The following FRMPD4 variants were observed in gnomAD, a reference collection of about 807,000 sequenced individuals.
FRMPD4 encodes the protein FERM and PDZ domain-containing protein 4.
In FRMPD4, 22 loss-of-function variants were observed where a neutral mutation model predicts 94.1. The ratio of observed to expected loss-of-function variants is 0.23; its 90% CI spans 0.17 to 0.33. The LOEUF is 0.33. Ranked by LOEUF, FRMPD4 falls within the 10% of genes least tolerant of loss-of-function variation. The pLI, the probability that FRMPD4 is intolerant of heterozygous loss-of-function variation, is 1.00. For missense variants in FRMPD4, 1,111 were observed against 1,339.9 expected (o/e 0.83, Z 2.67); for synonymous variants, 631 against 548.6 (o/e 1.15, Z -2.10).
chrX:12,516,918 T>C (rs1178808330), intron 2 of FRMPD4, among the ~76,000 whole-genome samples: 7 of 71,337 alleles, frequency 9.8e-5, no homozygotes, highest in East Asian at 9.0e-4. Flanking sequence ...TTTTTTTTTT[T>C]CCTAATCTTG....
chrX:11,873,552 C>T (rs2053766230), intron 2 of FRMPD4, among the ~76,000 whole-genome samples: 1 of 110,500 alleles, frequency 9.0e-6, no homozygotes, highest in Non-Finnish European at 1.9e-5. Flanking sequence ...CATCTGTACA[C>T]TGAAAACTAT....
chrX:11,904,247 T>A (rs1261579236), intron 3 of FRMPD4, among the ~76,000 whole-genome samples: 1 of 112,168 alleles, frequency 8.9e-6, no homozygotes, highest in Non-Finnish European at 1.9e-5. Context: ...CTCTTTTTAT[T>A]TCTTACGATG....
intron 3 of FRMPD4, among the ~76,000 whole-genome samples, chrX:12,073,646 G>A (rs2054988386): frequency 8.9e-6 from 1 of 112,122 alleles, no homozygotes; most frequent in South Asian, 3.7e-4. Context: ...ACTAGATAGA[G>A]CCAGATTACT....
At position 11,991,653 on chromosome X, in the gene FRMPD4, A is replaced by T. The variant is rs138114513; in HGVS notation, c.95+113635A>T. On this transcript the variant is annotated intron_variant, in intron 3 of 18. Transcript: ENST00000640291. ...GCCTCACCCTTCTCACACCCTTTTGAACCAGAAATATTTCTTCTTTGCTTT... is the reference window on the plus strand; with the variant it reads ...GCCTCACCCTTCTCACACCCTTTTGTACCAGAAATATTTCTTCTTTGCTTT... Among the ~76,000 whole-genome samples, 853 of 112,055 alleles carry T rather than the reference A, an allele frequency of 7.6e-3. 6 individuals are homozygous for T. The highest frequency in any genetic ancestry group is 0.027 in the African/African-American group (825 of 30,908).
chrX:12,458,368 G>A (rs1455355859), intron 1 of FRMPD4, among the ~76,000 whole-genome samples: 3 of 111,749 alleles, frequency 2.7e-5, no homozygotes, highest in South Asian at 3.8e-4. Context: ...AGGAGGTTTT[G>A]AGGACCCCCA....
chrX:12,231,012 A>ATGTATG (rs1357310733), intron 1 of FRMPD4, among the ~76,000 whole-genome samples: 2 of 55,719 alleles, frequency 3.6e-5, no homozygotes, highest in African/African-American at 1.4e-4. Context: ...AATATATAGT[A>ATGTATG]TATATAGTAT....
chrX:11,857,685 A>G (rs931818866), intron 1 of FRMPD4, among the ~76,000 whole-genome samples: 9 of 113,051 alleles, frequency 8.0e-5, no homozygotes, highest in African/African-American at 2.9e-4. Context: ...GCTAAAAGCA[A>G]TCGCAACAAA....
intron 1 of FRMPD4, among the ~76,000 whole-genome samples, chrX:12,223,124 A>G (rs1380561300): frequency 8.9e-6 from 1 of 112,194 alleles, no homozygotes; most frequent in Non-Finnish European, 1.9e-5. Context: ...AAGGAATATA[A>G]ATTGTTCTAC....
intron 1 of FRMPD4, among the ~76,000 whole-genome samples, chrX:12,227,925 G>A (rs2056942049): frequency 9.0e-6 from 1 of 111,222 alleles, no homozygotes; most frequent in South Asian, 3.8e-4. Flanking sequence ...GTGTGTGTGT[G>A]TACATGGAAA....
At chrX:12,622,003 AAAGAAAGAAAGAAAGGAAGG>A in intron 4 of FRMPD4, among the ~76,000 whole-genome samples, 2 of 48,476 alleles carry the variant, frequency 4.1e-5, no homozygotes, top group African/African-American at 2.3e-4. Flanking sequence ...AGAAAGAAAG[AAAGAAAGAAAGAAAGGAAGG>A]AAGGAAGGAA....
At chrX:12,608,670 A>G (rs1758446585) in intron 2 of FRMPD4, among the ~76,000 whole-genome samples, 1 of 112,597 alleles carries the variant, frequency 8.9e-6, no homozygotes, top group Non-Finnish European at 1.9e-5. Context: ...TAAGCATATC[A>G]GTTATAACTT....
At chrX:12,132,048 AACAAAGG>A (rs760873660) in intron 3 of FRMPD4, among the ~76,000 whole-genome samples, 138 of 111,935 alleles carry the variant, frequency 1.2e-3, no homozygotes, top group Non-Finnish European at 2.2e-3. Flanking sequence ...GGTGAAAAGT[AACAAAGG>A]AAGGGACAAT....
intron 1 of FRMPD4, among the ~76,000 whole-genome samples, chrX:12,398,205 AG>A (rs1454146034): frequency 8.9e-6 from 1 of 112,503 alleles, no homozygotes; most frequent in Non-Finnish European, 1.9e-5. Flanking sequence ...GCCATGGTTT[AG>A]TAACAAAGAA....
At chrX:12,084,640 G>A (rs2055092616) in intron 3 of FRMPD4, among the ~76,000 whole-genome samples, 1 of 111,988 alleles carries the variant, frequency 8.9e-6, no homozygotes, top group Non-Finnish European at 1.9e-5. Context: ...CAACAAATAA[G>A]CATGGATTTT....
chrX:12,634,987 C>G lies in FRMPD4; in HGVS notation c.422+20106C>G, dbSNP rs748406092. 4.2e-3 allele frequency among the ~76,000 whole-genome samples: 465 copies of G among 109,814 alleles called. 1 individual carries two copies. Among genetic ancestry groups the G allele is most frequent in the African/African-American group, 0.015 (443 of 30,124 alleles). On this transcript the variant is annotated intron_variant, in intron 4 of 16. Transcript: ENST00000675598. ...TAGCTGGGATTACAGGCACGTGCCA[C>G]CACGCCTGGCTAATTTTCGTATTTT...
chrX:12,585,107 G>A (rs780306151), intron 2 of FRMPD4, among the ~76,000 whole-genome samples: 1 of 110,869 alleles, frequency 9.0e-6, no homozygotes, highest in East Asian at 2.8e-4. Flanking sequence ...TAGTAGACAC[G>A]GGGCTTCACT....
intron 3 of FRMPD4, among the ~76,000 whole-genome samples, chrX:12,105,148 A>G (rs1049264465): frequency 1.2e-4 from 13 of 111,601 alleles, no homozygotes; most frequent in Non-Finnish European, 2.4e-4. Flanking sequence ...GCCCATGAGC[A>G]AAGCTGTCTC....
chrX:12,239,186 T>C (rs753309807), intron 1 of FRMPD4, among the ~76,000 whole-genome samples: 1 of 112,414 alleles, frequency 8.9e-6, no homozygotes, highest in Admixed American at 9.4e-5. Flanking sequence ...TGGCAAGATT[T>C]GTCTCAGAAA....
At chrX:12,589,736 T>G (rs2058964372) in intron 2 of FRMPD4, among the ~76,000 whole-genome samples, 1 of 111,997 alleles carries the variant, frequency 8.9e-6, no homozygotes, top group Admixed American at 9.5e-5. Flanking sequence ...AAAATAATAC[T>G]TATAGGCATA....
Sources: allele counts gnomAD v4.1 joint callset (sites outside exome capture counted in the v4.1 genomes callset), GRCh38; gene constraint gnomAD v4.1.1; transcripts MANE v1.5; gene names NCBI Gene and HGNC (gene_info 2026-07-23, HGNC 2026-07-21).